Variants in CCSER1 observed in about 807,000 individuals in gnomAD.
CCSER1 encodes serine-rich coiled-coil domain-containing protein 1.
CCSER1 carries 41 observed loss-of-function variants against 82.0 expected under a neutral mutation model. The observed-to-expected ratio is 0.50, with a 90% confidence interval of 0.39 to 0.65. CCSER1 has a LOEUF of 0.65. Ranked by LOEUF, CCSER1 falls within the 30% of genes least tolerant of loss-of-function variation. The pLI is 0.00. For missense variants in CCSER1, 1,119 were observed against 1,064.2 expected (o/e 1.05, Z -0.72); for synonymous variants, 414 against 383.9 (o/e 1.08, Z -0.92).
intron 5 of CCSER1, among the ~76,000 whole-genome samples, chr4:90,600,675 T>G (rs1783931777): frequency 1.3e-5 from 2 of 152,024 alleles, no homozygotes; most frequent in Non-Finnish European, 2.9e-5. Flanking sequence ...TCTATGATTT[T>G]TTTTCAAAGA....
In CCSER1 at chr4:91,197,448, G is replaced by A. The variant is rs548721663; in HGVS notation, c.2217+111454G>A. Among the ~76,000 whole-genome samples the A allele has an allele frequency of 1.7e-4, 26 of 152,272 alleles. 1 individual carries two copies. Among genetic ancestry groups the A allele is most frequent in the Admixed American group, 1.2e-3 (19 of 15,288 alleles). On this transcript the variant is annotated intron_variant, in intron 10 of 10. Transcript: ENST00000509176. ...CCCTATATGTTAGTAGTGTGGAGCC[G>A]CATGTGACTGTTGGGCACTTAAATG... is the stretch of plus-strand genomic sequence containing the variant.
intron 1 of CCSER1, among the ~76,000 whole-genome samples, chr4:90,157,626 A>G (rs1274506229): frequency 2.6e-5 from 4 of 151,796 alleles, no homozygotes; most frequent in African/African-American, 4.8e-5. Context: ...CATTCATTTC[A>G]TCTTCCATCA....
intron 9 of CCSER1, among the ~76,000 whole-genome samples, chr4:91,058,843 G>C (rs928362672): frequency 3.3e-5 from 5 of 151,974 alleles, no homozygotes; most frequent in Non-Finnish European, 7.4e-5. Context: ...TGGAAGATCT[G>C]AGAAATGAGC....
chr4:91,380,590 G>A lies in CCSER1; in HGVS notation c.2218-217982G>A, dbSNP rs180734345. Among the ~76,000 whole-genome samples, 166 of 151,612 alleles carry A rather than the reference G, an allele frequency of 1.1e-3. No individual in the cohort carries two copies. The Middle Eastern group carries it at 0.02, about 19-fold the overall frequency. On this transcript the variant is annotated intron_variant, in intron 10 of 10. Coordinates refer to ENST00000509176, the MANE Select transcript of CCSER1 (RefSeq NM_001145065.2). ...GCAACCCTGCCTTTTTTTGTTTTCC[G>A]TTTGCTTGGTACATCTTCCTCCTTC...
chr4:90,823,475 G>A (rs1249239542), intron 8 of CCSER1, among the ~76,000 whole-genome samples: 1 of 152,026 alleles, frequency 6.6e-6, no homozygotes, highest in Admixed American at 6.6e-5. Context: ...AATTTGAGGT[G>A]CTACTTATTA....
At chr4:91,371,345 T>C (rs1750033221) in intron 10 of CCSER1, among the ~76,000 whole-genome samples, 1 of 149,758 alleles carries the variant, frequency 6.7e-6, no homozygotes, top group Non-Finnish European at 1.5e-5. Context: ...GCTAACCATC[T>C]TTCTACTCTG....
chr4:90,459,473 CAACA>C (rs1762609797), intron 4 of CCSER1, among the ~76,000 whole-genome samples: 1 of 152,086 alleles, frequency 6.6e-6, no homozygotes, highest in African/African-American at 2.4e-5. Context: ...GTGGCTTAAA[CAACA>C]AACATTTATT....
chr4:91,463,756 G>C (rs1756668352), intron 10 of CCSER1, among the ~76,000 whole-genome samples: 1 of 152,190 alleles, frequency 6.6e-6, no homozygotes, highest in African/African-American at 2.4e-5. Flanking sequence ...GGGTATCAGT[G>C]ATTGAAGATC....
At chr4:91,319,410 G>T (rs1460964674) in intron 10 of CCSER1, among the ~76,000 whole-genome samples, 1 of 151,916 alleles carries the variant, frequency 6.6e-6, no homozygotes, top group East Asian at 1.9e-4. Context: ...CAATCCACAT[G>T]TGCTATTGTT....
At chr4:90,713,920 T>C (rs1355934525) in intron 6 of CCSER1, among the ~76,000 whole-genome samples, 3 of 152,054 alleles carry the variant, frequency 2.0e-5, no homozygotes, top group African/African-American at 7.2e-5. Flanking sequence ...TTCTTTCCTA[T>C]GCTTGATCTA....
chr4:90,661,774 C>A (rs1730832845), intron 6 of CCSER1, among the ~76,000 whole-genome samples: 1 of 151,618 alleles, frequency 6.6e-6, no homozygotes, highest in African/African-American at 2.4e-5. Flanking sequence ...TGTTTTTGTT[C>A]TTTAAAAAAA....
chr4:91,384,118 T>C (rs975053276), intron 10 of CCSER1, among the ~76,000 whole-genome samples: 1 of 152,138 alleles, frequency 6.6e-6, no homozygotes, highest in Non-Finnish European at 1.5e-5. Flanking sequence ...ATGTTTGCCC[T>C]AAATATTGCT....
intron 5 of CCSER1, among the ~76,000 whole-genome samples, chr4:90,478,262 G>A (rs2153595651): frequency 6.6e-6 from 1 of 152,212 alleles, no homozygotes; most frequent in Admixed American, 6.5e-5. Context: ...TAGACAGATT[G>A]ATTCCTGTCT....
At chr4:91,099,492 C>A (rs928816456) in intron 10 of CCSER1, among the ~76,000 whole-genome samples, 2 of 152,152 alleles carry the variant, frequency 1.3e-5, no homozygotes, top group East Asian at 3.8e-4. Flanking sequence ...TATTCTGAGC[C>A]ACATGAGTGA....
intron 1 of CCSER1, among the ~76,000 whole-genome samples, chr4:90,136,725 T>C (rs908385551): frequency 3.3e-5 from 5 of 152,224 alleles, no homozygotes; most frequent in Non-Finnish European, 5.9e-5. Flanking sequence ...TTTATAGATA[T>C]AGAAAGGACC....
chr4:91,133,967 C>T (rs770856882), intron 10 of CCSER1, among the ~76,000 whole-genome samples: 15 of 152,172 alleles, frequency 9.9e-5, no homozygotes, highest in Middle Eastern at 6.8e-3. Flanking sequence ...GGCAAGGTGG[C>T]GCATGCCTAT....
At chr4:91,066,350 G>C (rs1354509213) in intron 9 of CCSER1, among the ~76,000 whole-genome samples, 1 of 152,142 alleles carries the variant, frequency 6.6e-6, no homozygotes, top group Non-Finnish European at 1.5e-5. Context: ...CACAGTTAGC[G>C]ACAGAGGAGA....
chr4:91,538,688 T>C (rs1029605824), intron 10 of CCSER1, among the ~76,000 whole-genome samples: 4 of 87,586 alleles, frequency 4.6e-5, no homozygotes, highest in Middle Eastern at 5.6e-3. Flanking sequence ...TGATATATAT[T>C]ATATATACAC....
At chr4:90,273,374 T>G (rs954443858) in intron 1 of CCSER1, among the ~76,000 whole-genome samples, 1 of 152,164 alleles carries the variant, frequency 6.6e-6, no homozygotes, top group Non-Finnish European at 1.5e-5. Context: ...TATAATTGTT[T>G]GTAACACAAA....
Sources: gnomAD v4.1 joint callset for allele counts (sites outside exome capture counted in the v4.1 genomes callset) on GRCh38, gnomAD v4.1.1 for gene constraint, MANE v1.5 for transcripts, NCBI Gene and HGNC (gene_info 2026-07-23, HGNC 2026-07-21) for gene names.